The following HPS1 variants were observed in gnomAD, a reference collection of about 807,000 sequenced individuals.
HPS1 encodes BLOC-3 complex member HPS1.
In HPS1, 59 loss-of-function variants were observed where a neutral mutation model predicts 90.6. The ratio of observed to expected loss-of-function variants is 0.65; its 90% CI spans 0.53 to 0.81. The LOEUF is 0.81. Ranked by LOEUF, HPS1 falls within the 30% of genes least tolerant of loss-of-function variation. The pLI is 0.00. For missense variants in HPS1, 849 were observed against 896.7 expected (o/e 0.95, Z 0.68); for synonymous variants, 388 against 384.4 (o/e 1.01, Z -0.11).
In HPS1 at chr10:98,417,492, C is replaced by T. The variant is rs538796111; in HGVS notation, c.*72G>A. On this transcript the variant is annotated 3_prime_UTR_variant, in exon 20 of 20. Coordinates refer to ENST00000361490, the MANE Select transcript of HPS1 (RefSeq NM_000195.5). The surrounding 1 kb of genome is among the most constrained non-coding windows in gnomAD (Gnocchi z 4.2). Reference sequence around the variant, plus strand: ...ATGGCCACTGCAGACAGGAGGCTCTCGTCATGGGGAACAGTGGCAAGCAAG... The same window carrying T: ...ATGGCCACTGCAGACAGGAGGCTCTTGTCATGGGGAACAGTGGCAAGCAAG... The T allele has an allele frequency of 5.9e-5, 82 of 1,380,228 alleles. No homozygotes were observed. In the South Asian group the frequency reaches 7.2e-4, roughly 12 times the overall value. The allele number at this position is 1,380,228 out of a possible 1,614,324, so 85.5% of individuals were successfully genotyped here.
At chr10:98,423,691 C>T (rs376974595) in intron 15 of HPS1, 23 bp from the exon 16 acceptor site, 39 of 1,613,982 alleles carry the variant, frequency 2.4e-5, no homozygotes, top group South Asian at 5.5e-5. Context: ...GCTCGGGCTG[C>T]GTGAAGGAAG....
Position 98,425,710 on chromosome 10 carries a change from G to T in HPS1, c.1166C>A (p.Ala389Glu). Residue 389 changes from alanine to glutamate, a missense_variant, in exon 13 of 20, where the codon GCG (alanine) becomes GAG (glutamate). Transcript: ENST00000361490. ...NLVLLTRSPSAPLALVLSQLM... is the reference protein window; with the variant it reads ...NLVLLTRSPSEPLALVLSQLM... ...CTGGGACAGAACCAGGGCCAGGGGC[G>T]CGCTGGGGCTCTGAGGGTAAGGGCC... The T allele has an allele frequency of 1.2e-6, 2 of 1,609,642 alleles. No homozygotes were observed. Among genetic ancestry groups the T allele is most frequent in the South Asian group, 1.1e-5 (1 of 90,918 alleles).
intron 8 of HPS1, among the ~76,000 whole-genome samples, 160 bp from the exon 9 acceptor site, chr10:98,430,049 C>T (rs1184646875): frequency 1.3e-5 from 2 of 152,168 alleles, no homozygotes; most frequent in Admixed American, 6.5e-5. Context: ...CCCAGGGATT[C>T]GATTCTAGGC....
chr10:98,440,013 A>C (rs933463026), intron 3 of HPS1, among the ~76,000 whole-genome samples: 1 of 152,132 alleles, frequency 6.6e-6, no homozygotes, highest in African/African-American at 2.4e-5. Flanking sequence ...CTTGTGAAGA[A>C]GGTGTCTTGC....
rs1591109881 is a variant in HPS1 at position 98,433,981 on chromosome 10, A to C, written c.507+2T>G. On this transcript the variant is annotated splice_donor_variant, in intron 6 of 19. Coordinates refer to ENST00000361490, the MANE Select transcript of HPS1 (RefSeq NM_000195.5). LOFTEE classifies it high-confidence loss of function. ...CTGAGGACTCCCGCGCCCAGTAGTC[A>C]CCTCCACGGCGAAGCACTGCTCCTG... The C allele has an allele frequency of 1.9e-6, 3 of 1,555,966 alleles. No homozygotes were observed. Among genetic ancestry groups the C allele is most frequent in the Non-Finnish European group, 2.6e-6 (3 of 1,149,618 alleles).
At chr10:98,418,116 C>A (rs374187703) in intron 19 of HPS1, 59 bp downstream of exon 19, 7 of 1,139,418 alleles carry the variant, frequency 6.1e-6, no homozygotes, top group African/African-American at 6.1e-5. Flanking sequence ...CCGGCAGAGG[C>A]GAGCACTTAT....
chr10:98,423,528 C>T (rs1845179301), intron 16 of HPS1, 75 bp downstream of exon 16: 2 of 1,356,542 alleles, frequency 1.5e-6, no homozygotes, highest in Non-Finnish European at 2.1e-6. Context: ...GCCCATAGTC[C>T]CTCCAGGGAG....
At chr10:98,419,220 G>A (rs1014985000) in intron 18 of HPS1, among the ~76,000 whole-genome samples, 2 of 152,196 alleles carry the variant, frequency 1.3e-5, no homozygotes, top group African/African-American at 4.8e-5. Context: ...AGAGTGCAGG[G>A]TGGGGGCAGG....
At position 98,446,887 on chromosome 10, in the gene HPS1, C is replaced by T. The variant is rs1939715068; in HGVS notation, c.-186G>A. The T allele has an allele frequency of 6.6e-6, 1 of 152,084 alleles. No individual in the cohort carries two copies. Among genetic ancestry groups the T allele is most frequent in the South Asian group, 2.1e-4 (1 of 4,836 alleles). The allele number at this position is 152,084 out of a possible 1,614,324, so 9.4% of individuals were successfully genotyped here. A position where few individuals can be genotyped will look rare whatever the true frequency, so the allele number is the denominator to read the frequency against. On this transcript the variant is annotated 5_prime_UTR_variant, in exon 1 of 20. Transcript: ENST00000361490. ...GGGGACAGCCCGGAGGCCCACGTACCGGATCGCGGCGCGCACAGCGCCCCG... is the reference window on the plus strand; with the variant it reads ...GGGGACAGCCCGGAGGCCCACGTACTGGATCGCGGCGCGCACAGCGCCCCG...
intron 11 of HPS1, 33 bp from the exon 12 acceptor site, chr10:98,426,018 G>T (rs762779911): frequency 8.1e-6 from 13 of 1,606,208 alleles, no homozygotes; most frequent in Non-Finnish European, 9.4e-6. Flanking sequence ...GTGAGAGGTG[G>T]GATCCCTAAG....
chr10:98,446,469 C>A (rs1939583983), intron 1 of HPS1, among the ~76,000 whole-genome samples: 1 of 152,260 alleles, frequency 6.6e-6, no homozygotes, highest in Non-Finnish European at 1.5e-5. Flanking sequence ...CTCCCTGTGG[C>A]CCTTGGTCCC....
At chr10:98,438,259 G>C (rs1564865914) in intron 3 of HPS1, among the ~76,000 whole-genome samples, 1 of 152,206 alleles carries the variant, frequency 6.6e-6, no homozygotes, top group African/African-American at 2.4e-5. Context: ...TTGAAACTGG[G>C]TAACAGGCAG....
intron 17 of HPS1, among the ~76,000 whole-genome samples, chr10:98,422,042 G>A (rs908840056): frequency 6.6e-5 from 10 of 151,138 alleles, no homozygotes; most frequent in African/African-American, 2.2e-4. Flanking sequence ...GAGTGGCAGG[G>A]GTCCTCCCCC....
At chr10:98,429,294 A>C in intron 10 of HPS1, 1 of 1,340,702 alleles carries the variant, frequency 7.5e-7, no homozygotes, top group Non-Finnish European at 9.6e-7. Flanking sequence ...ATTACAAAAA[A>C]GATGAGTCTG....
intron 17 of HPS1, among the ~76,000 whole-genome samples, chr10:98,421,065 A>G (rs921897194): frequency 6.6e-6 from 1 of 152,230 alleles, no homozygotes; most frequent in African/African-American, 2.4e-5. Context: ...GCCCCAGGGA[A>G]GGCAGCAGGG....
At chr10:98,442,157 T>C (rs1938549798) in intron 3 of HPS1, among the ~76,000 whole-genome samples, 1 of 152,264 alleles carries the variant, frequency 6.6e-6, no homozygotes, top group Admixed American at 6.5e-5. Flanking sequence ...GAATGAACGA[T>C]TGATACATGC....
Position 98,417,646 on chromosome 10 carries a change from A to T in HPS1, c.2021T>A (p.Val674Asp). The T allele has an allele frequency of 1.2e-6, 2 of 1,613,766 alleles. No homozygotes were observed. Among genetic ancestry groups the T allele is most frequent in the Non-Finnish European group, 1.7e-6 (2 of 1,179,964 alleles). The change falls in exon 20 of 20, where the codon GTC becomes GAC. Residue 674 changes from valine to aspartate, a missense_variant. Physicochemically the swap from Val to Asp is radical, Grantham distance 152. Coordinates refer to ENST00000361490, the MANE Select transcript of HPS1 (RefSeq NM_000195.5). The surrounding 1 kb of genome is among the most constrained non-coding windows in gnomAD (Gnocchi z 4.2). ...CYELLALHLSVIPTDLLVQQA... is the reference protein window; with the variant it reads ...CYELLALHLSDIPTDLLVQQA... ...CTGCACCAGCAGGTCAGTGGGGATG[A>T]CAGACAGGTGCAGGGCCAGCAGCTC...
chr10:98,427,459 A>T (rs1055683500), intron 10 of HPS1, among the ~76,000 whole-genome samples, 195 bp from the exon 11 acceptor site: 16 of 152,222 alleles, frequency 1.1e-4, no homozygotes, highest in Admixed American at 5.9e-4. Context: ...ACTCTGCAGT[A>T]CCAGGGCTAA....
rs1844294003 is a variant in HPS1 at position 98,417,779 on chromosome 10, A to T, written c.1941-53T>A. On this transcript the variant is annotated intron_variant, in intron 19 of 19. Transcript: ENST00000361490. The surrounding 1 kb of genome is among the most constrained non-coding windows in gnomAD (Gnocchi z 4.2). ...AGGAGTGAGGCTGTGGCACTCCTCCAGCGCCAGAGGCCTCTCTGGGCCCTC... is the reference window on the plus strand; with the variant it reads ...AGGAGTGAGGCTGTGGCACTCCTCCTGCGCCAGAGGCCTCTCTGGGCCCTC... 1.9e-6 allele frequency: 3 copies of T among 1,558,110 alleles called. No individual in the cohort carries two copies. The South Asian group carries it at 3.3e-5, about 17-fold the overall frequency.
Sources: gnomAD v4.1 joint callset for allele counts (sites outside exome capture counted in the v4.1 genomes callset) on GRCh38, gnomAD v4.1.1 for gene constraint, Gnocchi (gnomAD v3.1) non-coding constraint, MANE v1.5 for transcripts, NCBI Gene and HGNC (gene_info 2026-07-23, HGNC 2026-07-21) for gene names.